The following KCNH5 variants were observed in gnomAD, a reference collection of about 807,000 sequenced individuals.
KCNH5 encodes the protein potassium voltage-gated channel subfamily H member 5.
Under a neutral mutation model 96.1 loss-of-function variants are expected in KCNH5, and 46 were observed. That is an observed-to-expected ratio of 0.48 (90% CI 0.38 to 0.61). The LOEUF (loss-of-function observed/expected upper bound fraction) is 0.61. Among genes scored for constraint, KCNH5 ranks in the 20% least tolerant of loss-of-function variants. KCNH5 has a pLI of 0.00. For synonymous variants in KCNH5, 439 were observed against 449.8 expected (o/e 0.98, Z 0.30); for missense variants, 907 against 1,225.8 (o/e 0.74, Z 3.88).
At chr14:62,914,476 A>C (rs1889234611) in intron 7 of KCNH5, among the ~76,000 whole-genome samples, 2 of 152,342 alleles carry the variant, frequency 1.3e-5, no homozygotes, top group Admixed American at 6.5e-5. Flanking sequence ...AGGAGGGTGG[A>C]GTATACTGTG....
intron 8 of KCNH5, among the ~76,000 whole-genome samples, chr14:62,843,565 C>G (rs1369414169): frequency 6.6e-6 from 1 of 151,974 alleles, no homozygotes; most frequent in Non-Finnish European, 1.5e-5. Flanking sequence ...GCGTGCACCA[C>G]CACGCCCAGC....
chr14:62,831,852 G>A (rs1381685778), intron 8 of KCNH5, among the ~76,000 whole-genome samples: 1 of 152,110 alleles, frequency 6.6e-6, no homozygotes. Context: ...GAGGCTACAG[G>A]CATGTGCCAC....
intron 7 of KCNH5, among the ~76,000 whole-genome samples, chr14:62,912,037 CAAAAAAAA>C (rs1163755853): frequency 7.5e-5 from 6 of 79,662 alleles, no homozygotes; most frequent in East Asian, 7.0e-4. Context: ...GACTCCTAAT[CAAAAAAAA>C]AAAAAAAAAA....
At chr14:62,847,082 G>C (rs922140895) in intron 8 of KCNH5, among the ~76,000 whole-genome samples, 10 of 148,352 alleles carry the variant, frequency 6.7e-5, no homozygotes, top group Non-Finnish European at 8.9e-5. Context: ...TTACAGGCGT[G>C]AGCCACCGCG....
intron 6 of KCNH5, among the ~76,000 whole-genome samples, chr14:62,975,811 A>G (rs1034973112): frequency 2.0e-5 from 3 of 152,184 alleles, no homozygotes; most frequent in African/African-American, 7.2e-5. Flanking sequence ...AATAAGATGT[A>G]CTAAGTAAAT....
chr14:62,928,914 C>G (rs1212380687), intron 7 of KCNH5, among the ~76,000 whole-genome samples: 10 of 152,034 alleles, frequency 6.6e-5, no homozygotes, highest in Admixed American at 5.9e-4. Flanking sequence ...GAGGGTTCAA[C>G]CAGTCTCATG....
intron 2 of KCNH5, among the ~76,000 whole-genome samples, chr14:63,007,923 A>AGTCTGAT (rs1168833316): frequency 6.6e-6 from 1 of 152,190 alleles, no homozygotes; most frequent in East Asian, 1.9e-4. Context: ...CCTTGGCAAA[A>AGTCTGAT]GTCTGATCAT....
chr14:62,769,374 T>C (rs1341778604), intron 10 of KCNH5, among the ~76,000 whole-genome samples: 1 of 152,254 alleles, frequency 6.6e-6, no homozygotes, highest in African/African-American at 2.4e-5. Flanking sequence ...ATCTACACTC[T>C]GCTCAGATTC....
chr14:62,929,204 A>AC (rs35513497), intron 7 of KCNH5, among the ~76,000 whole-genome samples: 43,199 of 151,092 alleles, frequency 0.29, 7,738 homozygotes, highest in South Asian at 0.6. Context: ...TTTAACAACC[A>AC]CCCCCCGCAT....
rs71451280 is a variant in KCNH5 at position 62,826,408 on chromosome 14, ATGTGTG to A, written c.1569+23239_1569+23244del. 8.9e-4 allele frequency among the ~76,000 whole-genome samples: 126 copies of A among 142,076 alleles called. 2 individuals carry two copies. Among genetic ancestry groups the A allele is most frequent in the African/African-American group, 2.1e-3 (82 of 38,332 alleles). 93.2% of individuals were successfully genotyped at this position (142,076 alleles called of 152,430 possible). A position where few individuals can be genotyped will look rare whatever the true frequency, so the allele number is the denominator to read the frequency against. ...TGTGTGTGTGTGTGTGCGTGCGTGC[ATGTGTG>A]TGTGTGTGTGTGTGTGTGTGTGTGT... On this transcript the variant is annotated intron_variant, in intron 8 of 10. Coordinates refer to ENST00000322893, the MANE Select transcript of KCNH5 (RefSeq NM_139318.5).
intron 1 of KCNH5, among the ~76,000 whole-genome samples, chr14:63,036,348 G>T (rs980761657): frequency 7.2e-5 from 11 of 152,122 alleles, no homozygotes; most frequent in African/African-American, 2.7e-4. Context: ...TCTGCACACA[G>T]CACTTACAGG....
intron 8 of KCNH5, among the ~76,000 whole-genome samples, chr14:62,838,074 C>A (rs1181298195): frequency 6.6e-6 from 1 of 152,154 alleles, no homozygotes; most frequent in Non-Finnish European, 1.5e-5. Flanking sequence ...ATTATGTCTT[C>A]TGACTTCTTC....
At chr14:62,758,421 T>TA (rs1566651073) in intron 10 of KCNH5, among the ~76,000 whole-genome samples, 1 of 152,014 alleles carries the variant, frequency 6.6e-6, no homozygotes, top group Admixed American at 6.6e-5. Flanking sequence ...AAAATTCTTT[T>TA]AAAAAAAGAA....
chr14:62,738,162 A>G (rs947290886), intron 10 of KCNH5, among the ~76,000 whole-genome samples: 3 of 152,218 alleles, frequency 2.0e-5, no homozygotes, highest in African/African-American at 7.2e-5. Context: ...CGGCTACTAA[A>G]TGGCTAATGT....
intron 8 of KCNH5, among the ~76,000 whole-genome samples, chr14:62,832,116 T>C (rs1401339945): frequency 1.3e-5 from 2 of 152,238 alleles, no homozygotes; most frequent in African/African-American, 4.8e-5. Flanking sequence ...AAAAATCGTC[T>C]ATATATTATT....
At chr14:62,775,734 G>A (rs1886081836) in intron 10 of KCNH5, among the ~76,000 whole-genome samples, 1 of 152,120 alleles carries the variant, frequency 6.6e-6, no homozygotes, top group Non-Finnish European at 1.5e-5. Flanking sequence ...GCCCACTGTT[G>A]TCCCCATTTA....
intron 2 of KCNH5, among the ~76,000 whole-genome samples, chr14:63,012,149 A>G (rs1891241455): frequency 6.6e-6 from 1 of 152,208 alleles, no homozygotes; most frequent in Non-Finnish European, 1.5e-5. Flanking sequence ...CAGAGCTTCT[A>G]CAGGTCATGA....
chr14:62,918,527 G>C (rs1456685848), intron 7 of KCNH5, among the ~76,000 whole-genome samples: 1 of 152,012 alleles, frequency 6.6e-6, no homozygotes, highest in East Asian at 1.9e-4. Flanking sequence ...GATCATAAAA[G>C]TTAATTTAAA....
intron 2 of KCNH5, among the ~76,000 whole-genome samples, chr14:63,014,101 A>G (rs1891279774): frequency 6.6e-6 from 1 of 152,186 alleles, no homozygotes; most frequent in Non-Finnish European, 1.5e-5. Context: ...GCAAGTAAGT[A>G]ATAATTGTTT....
Sources: gnomAD v4.1 joint callset for allele counts (sites outside exome capture counted in the v4.1 genomes callset) on GRCh38, gnomAD v4.1.1 for gene constraint, MANE v1.5 for transcripts, NCBI Gene and HGNC (gene_info 2026-07-23, HGNC 2026-07-21) for gene names.